The following CEP112 variants were observed in gnomAD, a reference collection of about 807,000 sequenced individuals.
CEP112 encodes the protein centrosomal protein 112, also known as centrosomal protein of 112 kDa.
Under a neutral mutation model 153.0 loss-of-function variants are expected in CEP112, and 127 were observed. That is an observed-to-expected ratio of 0.83 (90% CI 0.72 to 0.96). The LOEUF (loss-of-function observed/expected upper bound fraction) is 0.96, where lower values mean the gene tolerates loss of function less well. Among genes scored for constraint, CEP112 ranks in the 40% least tolerant of loss-of-function variants. CEP112 has a pLI of 0.00. For missense variants in CEP112, 1,089 were observed against 1,101.2 expected (o/e 0.99, Z 0.16); for synonymous variants, 358 against 374.4 (o/e 0.96, Z 0.51).
At chr17:65,902,530 G>A (rs1424240710) in intron 19 of CEP112, among the ~76,000 whole-genome samples, 196 bp from the exon 20 acceptor site, 1 of 151,562 alleles carries the variant, frequency 6.6e-6, no homozygotes, top group Non-Finnish European at 1.5e-5. Context: ...AAATAGTTGG[G>A]CATATTCAGT....
chr17:66,183,232 T>C lies in CEP112; in HGVS notation c.68A>G (p.Asp23Gly). ...TAATTTTAGAACAAAGGGCTTCATATCAACCACAAAGTGATCAAATTCTGC... is the reference window on the plus strand; with the variant it reads ...TAATTTTAGAACAAAGGGCTTCATACCAACCACAAAGTGATCAAATTCTGC... Reference protein sequence around the residue: ...LDAEFDHFVVDMKPFVLKLPH... With the variant: ...LDAEFDHFVVGMKPFVLKLPH... Residue 23 changes from aspartate to glycine, a missense_variant, in exon 2 of 27, where the codon GAT becomes GGT. By Grantham distance (94) the Asp-to-Gly change is moderately conservative (BLOSUM62 -1). Coordinates refer to ENST00000535342, the MANE Select transcript of CEP112 (RefSeq NM_001199165.4). The C allele has an allele frequency of 6.2e-7, 1 of 1,611,124 alleles. No individual in the cohort carries two copies. The highest frequency in any genetic ancestry group is 8.5e-7 in the Non-Finnish European group (1 of 1,178,638).
At chr17:65,879,202 A>C (rs1044914491) in intron 20 of CEP112, among the ~76,000 whole-genome samples, 1 of 152,240 alleles carries the variant, frequency 6.6e-6, no homozygotes, top group African/African-American at 2.4e-5. Context: ...AATCGTAATC[A>C]TGAGGGTCCA....
intron 16 of CEP112, among the ~76,000 whole-genome samples, chr17:66,007,244 A>C (rs1406833886): frequency 6.6e-6 from 1 of 152,180 alleles, no homozygotes; most frequent in East Asian, 1.9e-4. Context: ...AGAGAAGAAA[A>C]AGCAAGAGAA....
At chr17:65,831,980 T>A (rs998388567) in intron 21 of CEP112, among the ~76,000 whole-genome samples, 1 of 152,130 alleles carries the variant, frequency 6.6e-6, no homozygotes, top group Non-Finnish European at 1.5e-5. Context: ...ACCGAAATCA[T>A]ACCAAACACA....
intron 23 of CEP112, among the ~76,000 whole-genome samples, chr17:65,720,909 GT>G (rs2049835884): frequency 6.6e-6 from 1 of 151,588 alleles, no homozygotes; most frequent in Non-Finnish European, 1.5e-5. Context: ...TAAATAACTT[GT>G]TTGAGATCAC....
At chr17:66,093,333 C>A (rs988757352) in intron 8 of CEP112, among the ~76,000 whole-genome samples, 3 of 152,026 alleles carry the variant, frequency 2.0e-5, no homozygotes, top group African/African-American at 7.2e-5. Context: ...CAGAGCATGA[C>A]TGTCTCCTAA....
At chr17:65,996,905 T>C (rs2063811473) in intron 17 of CEP112, among the ~76,000 whole-genome samples, 2 of 152,152 alleles carry the variant, frequency 1.3e-5, no homozygotes, top group Non-Finnish European at 2.9e-5. Flanking sequence ...GAGAATACTT[T>C]TTCTTTTCAT....
In CEP112 at chr17:65,931,460, A is replaced by G. The variant is rs958771426; in HGVS notation, c.1873-3771T>C. ...TACAGTGGGAAAGAGGTGAACATCC[A>G]GCTTTCCCAGCATTCCAAGATGTTT... On this transcript the variant is annotated intron_variant, in intron 18 of 26. Coordinates refer to ENST00000535342, the MANE Select transcript of CEP112 (RefSeq NM_001199165.4). Among the ~76,000 whole-genome samples the G allele has an allele frequency of 2.0e-5, 3 of 152,236 alleles. No homozygotes were observed. The East Asian group carries it at 5.8e-4, about 29-fold the overall frequency.
chr17:66,107,649 A>C (rs2068842369), intron 6 of CEP112, among the ~76,000 whole-genome samples: 1 of 152,176 alleles, frequency 6.6e-6, no homozygotes. Context: ...TGAAGAAGAC[A>C]CAAAAAAATG....
At chr17:65,799,727 C>A (rs1236738630) in intron 21 of CEP112, among the ~76,000 whole-genome samples, 1 of 152,172 alleles carries the variant, frequency 6.6e-6, no homozygotes, top group African/African-American at 2.4e-5. Context: ...CACATTGACG[C>A]AAGTCAAACA....
At chr17:65,695,186 G>A (rs1867010272) in intron 23 of CEP112, among the ~76,000 whole-genome samples, 1 of 152,194 alleles carries the variant, frequency 6.6e-6, no homozygotes, top group Non-Finnish European at 1.5e-5. Flanking sequence ...AGCTCCACAA[G>A]AACAATGAGC....
At chr17:65,865,412 T>C (rs2058451255) in intron 20 of CEP112, among the ~76,000 whole-genome samples, 1 of 152,314 alleles carries the variant, frequency 6.6e-6, no homozygotes. Context: ...GTAAGTATCA[T>C]ACAGTGAGAA....
chr17:66,012,922 C>CT (rs551166411), intron 16 of CEP112, among the ~76,000 whole-genome samples: 2,035 of 150,028 alleles, frequency 0.014, 42 homozygotes, highest in African/African-American at 0.047. Context: ...TTTCATTTTA[C>CT]TTTTTTTTTT....
intron 21 of CEP112, among the ~76,000 whole-genome samples, chr17:65,805,193 T>A (rs1303932998): frequency 6.6e-6 from 1 of 152,158 alleles, no homozygotes; most frequent in African/African-American, 2.4e-5. Context: ...AGTGTCCTCA[T>A]TAACATCATC....
intron 20 of CEP112, among the ~76,000 whole-genome samples, chr17:65,888,756 G>T (rs1440678619): frequency 2.6e-5 from 4 of 152,180 alleles, no homozygotes; most frequent in African/African-American, 9.6e-5. Flanking sequence ...GCACAGTAAA[G>T]TATGTGGGGT....
intron 20 of CEP112, among the ~76,000 whole-genome samples, chr17:65,885,342 A>G (rs2059239257): frequency 6.6e-6 from 1 of 152,188 alleles, no homozygotes; most frequent in Non-Finnish European, 1.5e-5. Context: ...TTGGCTGAAG[A>G]TAATATTTAT....
At chr17:65,839,531 G>A (rs2057439716) in intron 21 of CEP112, among the ~76,000 whole-genome samples, 1 of 150,846 alleles carries the variant, frequency 6.6e-6, no homozygotes, top group African/African-American at 2.4e-5. Flanking sequence ...AACAGTAAAG[G>A]CCATATATGA....
intron 20 of CEP112, among the ~76,000 whole-genome samples, chr17:65,877,955 A>G (rs142676380): frequency 2.0e-3 from 302 of 152,336 alleles, no homozygotes; most frequent in African/African-American, 6.3e-3. Context: ...GACAAATACT[A>G]TATGATGCCA....
chr17:65,790,312 G>A (rs1277528287), intron 21 of CEP112, among the ~76,000 whole-genome samples: 2 of 152,142 alleles, frequency 1.3e-5, no homozygotes, highest in Non-Finnish European at 2.9e-5. Context: ...TCCCAGCACG[G>A]ATCTATGATG....
Sources: allele counts gnomAD v4.1 joint callset (sites outside exome capture counted in the v4.1 genomes callset), GRCh38; gene constraint gnomAD v4.1.1; transcripts MANE v1.5; gene names NCBI Gene and HGNC (gene_info 2026-07-23, HGNC 2026-07-21).